Variants in ADCY9 observed in about 807,000 individuals in gnomAD.
ADCY9 encodes adenylate cyclase type 9.
ADCY9 carries 50 observed loss-of-function variants against 101.5 expected under a neutral mutation model. The observed-to-expected ratio is 0.49, with a 90% CI of 0.39 to 0.62. The LOEUF is 0.62. ADCY9 is among the 20% of genes least tolerant of loss of function. ADCY9 has a pLI of 0.00. For missense variants in ADCY9, 1,662 were observed against 1,800.4 expected (o/e 0.92, Z 1.39); for synonymous variants, 905 against 769.3 (o/e 1.18, Z -2.92).
chr16:4,024,551 A>ATCCCATCCAGGG (rs1335684217), intron 2 of ADCY9, among the ~76,000 whole-genome samples: 129 of 152,190 alleles, frequency 8.5e-4, no homozygotes, highest in African/African-American at 2.2e-3. Flanking sequence ...CCCATCCAGG[A>ATCCCATCCAGGG]TCCCACGCGG....
chr16:4,109,235 T>C (rs955922577), intron 2 of ADCY9, among the ~76,000 whole-genome samples: 1 of 152,038 alleles, frequency 6.6e-6, no homozygotes, highest in African/African-American at 2.4e-5. Flanking sequence ...GAAGGCCTGG[T>C]TTTTGTTTCT....
chr16:4,059,085 G>A (rs2056758372), intron 2 of ADCY9, among the ~76,000 whole-genome samples: 1 of 151,936 alleles, frequency 6.6e-6, no homozygotes, highest in Non-Finnish European at 1.5e-5. Context: ...ATAGTACTTA[G>A]AAAGTTGGAA....
intron 2 of ADCY9, among the ~76,000 whole-genome samples, chr16:4,113,129 C>T (rs1287674638): frequency 6.6e-6 from 1 of 151,410 alleles, no homozygotes; most frequent in Non-Finnish European, 1.5e-5. Context: ...ATAAAATATC[C>T]TTAAACAAAT....
intron 3 of ADCY9, among the ~76,000 whole-genome samples, chr16:3,997,676 C>T (rs992540396): frequency 2.0e-5 from 3 of 152,138 alleles, no homozygotes; most frequent in Admixed American, 6.6e-5. Context: ...CAGGTTTGTC[C>T]GGGAAGTGGG....
chr16:4,057,687 G>A lies in ADCY9; in HGVS notation c.1694-50129C>T, dbSNP rs143291531. On this transcript the variant is annotated intron_variant, in intron 2 of 10. Coordinates refer to ENST00000294016, the MANE Select transcript of ADCY9 (RefSeq NM_001116.4). ...TCTCCTCTGTCTGAAACATTACTCTGAAGGAGTGATTTCTTGTTCATTCTG... is the reference window on the plus strand; with the variant it reads ...TCTCCTCTGTCTGAAACATTACTCTAAAGGAGTGATTTCTTGTTCATTCTG... Among the ~76,000 whole-genome samples the A allele has an allele frequency of 3.3e-3, 502 of 152,320 alleles. 2 individuals carry two copies. The highest frequency in any genetic ancestry group is 0.011 in the South Asian group (51 of 4,820).
downstream of ADCY9, among the ~76,000 whole-genome samples, chr16:3,959,187 C>A (rs974240471): frequency 1.3e-5 from 2 of 151,794 alleles, no homozygotes; most frequent in East Asian, 3.9e-4. Context: ...ATGGTGAAAC[C>A]CCATCTCCAC....
intron 2 of ADCY9, among the ~76,000 whole-genome samples, chr16:4,092,482 G>C (rs2056979689): frequency 6.6e-6 from 1 of 152,132 alleles, no homozygotes; most frequent in South Asian, 2.1e-4. Context: ...AGTATAACTA[G>C]TTATAGAATT....
chr16:4,028,782 T>C (rs1287213230), intron 2 of ADCY9, among the ~76,000 whole-genome samples: 1 of 152,074 alleles, frequency 6.6e-6, no homozygotes, highest in Non-Finnish European at 1.5e-5. Flanking sequence ...TCTATTTTCT[T>C]TTTTTCTTTT....
At chr16:4,056,019 C>T (rs2056735461) in intron 2 of ADCY9, among the ~76,000 whole-genome samples, 1 of 152,130 alleles carries the variant, frequency 6.6e-6, no homozygotes, top group Non-Finnish European at 1.5e-5. Context: ...TCCTTAGCTC[C>T]CATAGACAGG....
chr16:4,039,934 G>C (rs2141765366), intron 2 of ADCY9, among the ~76,000 whole-genome samples: 1 of 152,246 alleles, frequency 6.6e-6, no homozygotes, highest in South Asian at 2.1e-4. Context: ...AGCTACTTGG[G>C]AGGCTGAAGT....
chr16:4,091,584 A>G (rs552410801), intron 2 of ADCY9, among the ~76,000 whole-genome samples: 2 of 152,360 alleles, frequency 1.3e-5, no homozygotes, highest in Admixed American at 6.5e-5. Flanking sequence ...GAAGAATGGA[A>G]AAACAAAATG....
chr16:4,034,968 C>T (rs773612423), intron 2 of ADCY9, among the ~76,000 whole-genome samples: 8 of 152,230 alleles, frequency 5.3e-5, no homozygotes, highest in East Asian at 1.9e-4. Flanking sequence ...GCAACAAAAA[C>T]ACATCTGGCA....
chr16:4,066,665 G>C (rs1025460220), intron 2 of ADCY9, among the ~76,000 whole-genome samples: 7 of 152,220 alleles, frequency 4.6e-5, no homozygotes, highest in Middle Eastern at 6.8e-3. Flanking sequence ...AATTATAAGT[G>C]TGAGCCACAG....
At chr16:4,099,096 C>T (rs2057026659) in intron 2 of ADCY9, among the ~76,000 whole-genome samples, 1 of 152,124 alleles carries the variant, frequency 6.6e-6, no homozygotes, top group South Asian at 2.1e-4. Flanking sequence ...CGACACCCGG[C>T]TAATTTTTGT....
intron 2 of ADCY9, among the ~76,000 whole-genome samples, chr16:4,034,728 T>C (rs751181162): frequency 1.8e-4 from 28 of 152,148 alleles, no homozygotes; most frequent in African/African-American, 4.8e-5. Context: ...CCAAAGTCCT[T>C]TTACATTCTA....
chr16:4,086,396 G>A (rs1223559952), intron 2 of ADCY9, among the ~76,000 whole-genome samples: 2 of 152,090 alleles, frequency 1.3e-5, no homozygotes, highest in Non-Finnish European at 2.9e-5. Flanking sequence ...ACGCATGTCA[G>A]CCACACATCA....
chr16:4,103,898 G>A (rs1321349583), intron 2 of ADCY9, among the ~76,000 whole-genome samples: 3 of 152,118 alleles, frequency 2.0e-5, no homozygotes, highest in Admixed American at 6.6e-5. Flanking sequence ...TGGTTAAATC[G>A]CAAGCTTGAG....
At chr16:4,038,381 T>A (rs960787096) in intron 2 of ADCY9, among the ~76,000 whole-genome samples, 7 of 151,810 alleles carry the variant, frequency 4.6e-5, no homozygotes, top group African/African-American at 1.7e-4. Context: ...CGAGAGGGCT[T>A]AGGGGTGAGC....
intron 2 of ADCY9, among the ~76,000 whole-genome samples, chr16:4,050,750 C>G (rs2056696011): frequency 6.6e-6 from 1 of 150,554 alleles, no homozygotes; most frequent in East Asian, 1.9e-4. Context: ...CCTAACTACG[C>G]TGCTTGAGAA....
Sources: allele counts gnomAD v4.1 joint callset (sites outside exome capture counted in the v4.1 genomes callset), GRCh38; gene constraint gnomAD v4.1.1; transcripts MANE v1.5; gene names NCBI Gene and HGNC (gene_info 2026-07-23, HGNC 2026-07-21).